CDK14: variants seen among roughly 807,000 people sequenced by gnomAD.
The protein encoded by CDK14 is cyclin dependent kinase 14.
CDK14 carries 34 observed loss-of-function variants against 60.7 expected under a neutral mutation model. The observed-to-expected ratio is 0.56, with a 90% CI of 0.43 to 0.75. CDK14 has a LOEUF of 0.75. Ranked by LOEUF, CDK14 falls within the 30% of genes least tolerant of loss-of-function variation. The probability of loss-of-function intolerance (pLI) is 0.00; values close to 1 mark genes in which losing one functional copy is unlikely to be tolerated. For synonymous variants in CDK14, 197 were observed against 203.7 expected (o/e 0.97, Z 0.28); for missense variants, 482 against 564.1 (o/e 0.85, Z 1.47).
intron 2 of CDK14, among the ~76,000 whole-genome samples, chr7:90,655,063 A>C (rs1800723586): frequency 6.6e-6 from 1 of 151,850 alleles, no homozygotes; most frequent in Non-Finnish European, 1.5e-5. Context: ...TCCAGATGTT[A>C]TATGGTTGAA....
intron 4 of CDK14, among the ~76,000 whole-genome samples, chr7:90,766,798 A>C (rs1006443449): frequency 1.3e-5 from 2 of 152,086 alleles, no homozygotes; most frequent in Non-Finnish European, 2.9e-5. Flanking sequence ...TTTATTCAGC[A>C]GCTCTCTCAT....
chr7:90,726,889 A>G, intron 3 of CDK14, 77 bp downstream of exon 3: 1 of 1,520,080 alleles, frequency 6.6e-7, no homozygotes, highest in Non-Finnish European at 8.9e-7. Context: ...GTGCTGGAAG[A>G]CAGCAGGAAA....
At chr7:91,076,185 C>G (rs931756336) in intron 11 of CDK14, among the ~76,000 whole-genome samples, 6 of 117,556 alleles carry the variant, frequency 5.1e-5, no homozygotes, top group African/African-American at 6.5e-5. Flanking sequence ...GCAAAAAGAA[C>G]AAAGCTGGAG....
At chr7:90,656,567 A>G (rs555124869) in intron 2 of CDK14, among the ~76,000 whole-genome samples, 1 of 152,042 alleles carries the variant, frequency 6.6e-6, no homozygotes, top group East Asian at 1.9e-4. Context: ...TTTAGTAGAG[A>G]TGGAGTTTCA....
At chr7:90,633,242 G>A (rs1323501647) in intron 2 of CDK14, among the ~76,000 whole-genome samples, 5 of 152,112 alleles carry the variant, frequency 3.3e-5, no homozygotes, top group African/African-American at 1.2e-4. Context: ...GAGGATGTTA[G>A]TCTGTCTCAA....
intron 11 of CDK14, among the ~76,000 whole-genome samples, chr7:91,058,785 G>A (rs1450328420): frequency 3.9e-5 from 6 of 152,226 alleles, no homozygotes; most frequent in Admixed American, 2.0e-4. Context: ...GCTTTTTGAT[G>A]TGCTGCTGGA....
chr7:90,662,618 A>G (rs1800887168), intron 2 of CDK14, among the ~76,000 whole-genome samples: 2 of 152,320 alleles, frequency 1.3e-5, no homozygotes, highest in Admixed American at 1.3e-4. Flanking sequence ...TTACTTCCTC[A>G]CAGAAATGCA....
intron 7 of CDK14, among the ~76,000 whole-genome samples, chr7:90,904,718 T>TGG (rs1398840032): frequency 2.6e-5 from 4 of 152,196 alleles, no homozygotes; most frequent in Non-Finnish European, 5.9e-5. Context: ...GATTGAGTTT[T>TGG]TAGATTAATG....
chr7:90,806,787 A>G (rs747193988), intron 5 of CDK14, among the ~76,000 whole-genome samples: 3 of 152,214 alleles, frequency 2.0e-5, no homozygotes, highest in South Asian at 4.1e-4. Flanking sequence ...TGCTTTTCCA[A>G]TGGTCTTAGC....
At chr7:91,185,881 T>C (rs1389554426) in intron 14 of CDK14, among the ~76,000 whole-genome samples, 1 of 152,098 alleles carries the variant, frequency 6.6e-6, no homozygotes, top group African/African-American at 2.4e-5. Flanking sequence ...GCATATCCAT[T>C]GGCTGTCACT....
At chr7:91,043,890 T>C (rs78616194) in intron 10 of CDK14, among the ~76,000 whole-genome samples, 2,178 of 152,302 alleles carry the variant, frequency 0.014, 68 homozygotes, top group East Asian at 0.1. Context: ...ACTGTATATG[T>C]GCCACTCTGA....
At chr7:90,659,941 CCAA>C (rs1396110909) in intron 2 of CDK14, among the ~76,000 whole-genome samples, 1 of 151,262 alleles carries the variant, frequency 6.6e-6, no homozygotes, top group African/African-American at 2.4e-5. Flanking sequence ...TGGATTGACT[CCAA>C]CAGTAAAAGC....
intron 2 of CDK14, 112 bp downstream of exon 2, chr7:90,604,361 TA>T: frequency 1.8e-6 from 1 of 560,272 alleles, no homozygotes; most frequent in Admixed American, 4.0e-5. Flanking sequence ...AAACGCGAGA[TA>T]ACATCTGTTT....
intron 2 of CDK14, among the ~76,000 whole-genome samples, chr7:90,686,243 G>GT (rs35121131): frequency 4.6e-5 from 7 of 152,046 alleles, no homozygotes; most frequent in African/African-American, 1.7e-4. Context: ...GTTTCCAGTA[G>GT]TTTTTTCAGT....
chr7:90,955,760 AC>A lies in CDK14; in HGVS notation c.891del (p.Tyr297Ter). The A allele has an allele frequency of 1.2e-6, 2 of 1,613,530 alleles. No homozygotes were observed. Among genetic ancestry groups the A allele is most frequent in the African/African-American group, 1.3e-5 (1 of 75,016 alleles). On this transcript the variant is annotated frameshift_variant, in exon 9 of 15. Coordinates refer to ENST00000380050, the MANE Select transcript of CDK14 (RefSeq NM_001287135.2). LOFTEE classifies it high-confidence loss of function. Reference sequence around the variant, plus strand: ...TCCAACGAAGTGGTTACCTTGTGGTACAGACCTCCAGATGTCCTTCTAGGCT... The same window carrying A: ...TCCAACGAAGTGGTTACCTTGTGGTAAGACCTCCAGATGTCCTTCTAGGCT... ...TYSNEVVTLW[Y>X]RPPDVLLGST...
intron 2 of CDK14, among the ~76,000 whole-genome samples, chr7:90,638,143 A>G (rs1397457537): frequency 1.3e-5 from 2 of 151,932 alleles, no homozygotes; most frequent in East Asian, 3.9e-4. Context: ...TAAAGTTAAT[A>G]TTGTTATGTG....
At chr7:90,610,871 A>C (rs1231513499) in intron 2 of CDK14, among the ~76,000 whole-genome samples, 1 of 152,180 alleles carries the variant, frequency 6.6e-6, no homozygotes, top group Non-Finnish European at 1.5e-5. Context: ...ACTGGGGATT[A>C]AGACTTCGAT....
rs758441212 is a variant in CDK14, at chr7:90,604,237, C to T, written c.111C>T (p.Thr37=). The change falls in exon 2 of 15, where the codon ACC becomes ACT. Residue 37 remains threonine (T), a synonymous_variant. Transcript: ENST00000380050. Reference sequence around the variant, plus strand: ...TTATAGCTTTGAAGAAAGATGACACCACCTTTGATGAGGTAGGTTAAATTT... The same window carrying T: ...TTATAGCTTTGAAGAAAGATGACACTACCTTTGATGAGGTAGGTTAAATTT... ...FSRIALKKDD[T]TFDEICVTKM... 14 of 1,540,892 alleles carry T rather than the reference C, an allele frequency of 9.1e-6. No homozygotes were observed. Among genetic ancestry groups the T allele is most frequent in the East Asian group, 2.3e-5 (1 of 43,100 alleles).
Position 90,842,690 on chromosome 7 carries a change from G to A in CDK14, c.545-20485G>A, listed in dbSNP as rs186459148. Among the ~76,000 whole-genome samples, 1,158 of 152,164 alleles carry A rather than the reference G, an allele frequency of 7.6e-3. 17 individuals carry two copies. Among genetic ancestry groups the A allele is most frequent in the Non-Finnish European group, 9.2e-3 (629 of 68,008 alleles). On this transcript the variant is annotated intron_variant, in intron 5 of 14. Coordinates refer to ENST00000380050, the MANE Select transcript of CDK14 (RefSeq NM_001287135.2). Reference sequence around the variant, plus strand: ...AAAATGTCAAATGATGGCTTCATAGGATTAAAAATAGCATCTTATAAGAAA... The same window carrying A: ...AAAATGTCAAATGATGGCTTCATAGAATTAAAAATAGCATCTTATAAGAAA...
Sources: allele counts gnomAD v4.1 joint callset (sites outside exome capture counted in the v4.1 genomes callset), GRCh38; gene constraint gnomAD v4.1.1; transcripts MANE v1.5; gene names NCBI Gene and HGNC (gene_info 2026-07-23, HGNC 2026-07-21).